The following FRMD4A variants were observed in gnomAD, a reference collection of about 807,000 sequenced individuals.
The protein encoded by FRMD4A is FERM domain-containing protein 4A.
In FRMD4A, 29 loss-of-function variants were observed where a neutral mutation model predicts 129.1. The ratio of observed to expected loss-of-function variants is 0.22; its 90% CI spans 0.17 to 0.31. The LOEUF (loss-of-function observed/expected upper bound fraction) is 0.31. Ranked by LOEUF, FRMD4A falls within the 10% of genes least tolerant of loss-of-function variation. The probability of loss-of-function intolerance (pLI) is 1.00; values close to 1 mark genes in which losing one functional copy is unlikely to be tolerated. For missense variants in FRMD4A, 1,272 were observed against 1,375.8 expected (o/e 0.92, Z 1.19); for synonymous variants, 634 against 571.6 (o/e 1.11, Z -1.56).
At chr10:14,172,449 T>A (rs887094918) in intron 2 of FRMD4A, among the ~76,000 whole-genome samples, 2 of 152,172 alleles carry the variant, frequency 1.3e-5, no homozygotes, top group African/African-American at 4.8e-5. Flanking sequence ...TTTAATCGGC[T>A]CATGGTGTGA....
intron 2 of FRMD4A, among the ~76,000 whole-genome samples, chr10:14,227,614 G>T (rs1412467646): frequency 6.6e-6 from 1 of 151,912 alleles, no homozygotes; most frequent in African/African-American, 2.4e-5. Context: ...CTTACACCAA[G>T]CCTGCATGAG....
chr10:13,775,376 A>G (rs1190595726), intron 6 of FRMD4A, among the ~76,000 whole-genome samples: 5 of 152,202 alleles, frequency 3.3e-5, no homozygotes, highest in Admixed American at 1.3e-4. Flanking sequence ...CATACAATGG[A>G]TAGGATGGTG....
At chr10:14,079,327 G>T (rs1438060774) in intron 2 of FRMD4A, among the ~76,000 whole-genome samples, 1 of 152,130 alleles carries the variant, frequency 6.6e-6, no homozygotes, top group African/African-American at 2.4e-5. Flanking sequence ...CCTGTCTGCT[G>T]CCCTTGGTCC....
chr10:14,290,188 C>A (rs1420752495), intron 2 of FRMD4A, among the ~76,000 whole-genome samples: 4 of 152,030 alleles, frequency 2.6e-5, no homozygotes, highest in Non-Finnish European at 5.9e-5. Context: ...CAATCCCTAT[C>A]AAAATCCTAA....
chr10:13,703,366 A>C (rs1342406808), intron 13 of FRMD4A, among the ~76,000 whole-genome samples: 2 of 152,138 alleles, frequency 1.3e-5, no homozygotes, highest in South Asian at 2.1e-4. Context: ...CAGCCTGGAG[A>C]AGCTCAGAAA....
chr10:14,066,651 T>C (rs913116576), intron 2 of FRMD4A, among the ~76,000 whole-genome samples: 2 of 152,170 alleles, frequency 1.3e-5, no homozygotes, highest in Admixed American at 6.5e-5. Flanking sequence ...TCTGAATTCA[T>C]GGCGAAAAGC....
chr10:13,654,337 A>T (rs746111415), intron 23 of FRMD4A, 79 bp downstream of exon 23: 2 of 945,070 alleles, frequency 2.1e-6, no homozygotes, highest in Admixed American at 1.7e-5. Flanking sequence ...TTACTGACAT[A>T]TCCTTATGTC....
At chr10:14,272,405 T>C (rs1845192565) in intron 2 of FRMD4A, among the ~76,000 whole-genome samples, 2 of 152,154 alleles carry the variant, frequency 1.3e-5, no homozygotes, top group Admixed American at 6.5e-5. Flanking sequence ...TCTCTGCCAA[T>C]CTATGACCGT....
At chr10:14,032,880 T>C (rs559662524) in intron 2 of FRMD4A, among the ~76,000 whole-genome samples, 2 of 152,184 alleles carry the variant, frequency 1.3e-5, no homozygotes, top group Non-Finnish European at 2.9e-5. Flanking sequence ...TCATGCACAG[T>C]CTGTTTCCCA....
chr10:14,295,844 A>G (rs1845990766), intron 2 of FRMD4A, among the ~76,000 whole-genome samples: 1 of 152,314 alleles, frequency 6.6e-6, no homozygotes, highest in South Asian at 2.1e-4. Context: ...TAAGCCTTCA[A>G]AATAGAACTG....
intron 4 of FRMD4A, among the ~76,000 whole-genome samples, chr10:13,798,981 C>T (rs777638664): frequency 2.0e-5 from 3 of 152,172 alleles, no homozygotes; most frequent in Non-Finnish European, 2.9e-5. Flanking sequence ...GCCCATCCCG[C>T]AGGACTCAGC....
chr10:13,823,411 G>A (rs1227735477), intron 3 of FRMD4A, among the ~76,000 whole-genome samples: 2 of 152,194 alleles, frequency 1.3e-5, no homozygotes, highest in Non-Finnish European at 2.9e-5. Flanking sequence ...AACTGTTTCG[G>A]TAAGGAGAAA....
chr10:13,660,931 T>C (rs1159416053), intron 19 of FRMD4A, among the ~76,000 whole-genome samples: 2 of 152,208 alleles, frequency 1.3e-5, no homozygotes, highest in African/African-American at 4.8e-5. Flanking sequence ...AAGCATCTGA[T>C]TCACTGTGGG....
At chr10:13,668,687 C>T (rs1302419724) in intron 17 of FRMD4A, among the ~76,000 whole-genome samples, 1 of 152,194 alleles carries the variant, frequency 6.6e-6, no homozygotes, top group African/African-American at 2.4e-5. Flanking sequence ...TGTGGTGGGA[C>T]TCTGGGAAGA....
At chr10:14,026,929 A>C (rs564464167) in intron 2 of FRMD4A, among the ~76,000 whole-genome samples, 4 of 152,148 alleles carry the variant, frequency 2.6e-5, no homozygotes, top group Non-Finnish European at 5.9e-5. Flanking sequence ...GTTCAACATC[A>C]AATTTTCTTT....
intron 14 of FRMD4A, among the ~76,000 whole-genome samples, chr10:13,697,152 A>ATTT (rs11309575): frequency 0.15 from 20,278 of 136,366 alleles, 1,583 homozygotes; most frequent in Non-Finnish European, 0.18. Flanking sequence ...AAACTACTGG[A>ATTT]TTTTTTTTTT....
At chr10:13,758,543 C>T (rs1025908214) in intron 8 of FRMD4A, among the ~76,000 whole-genome samples, 2 of 152,196 alleles carry the variant, frequency 1.3e-5, no homozygotes, top group African/African-American at 4.8e-5. Context: ...GGGTCTTGCC[C>T]GGGCGTGCCT....
At chr10:13,903,539 G>A (rs985310664) in intron 2 of FRMD4A, among the ~76,000 whole-genome samples, 3 of 151,990 alleles carry the variant, frequency 2.0e-5, no homozygotes, top group Non-Finnish European at 2.9e-5. Flanking sequence ...GACCAGCCTG[G>A]GCAACATAGC....
chr10:14,223,664 C>T (rs1843336070), intron 2 of FRMD4A, among the ~76,000 whole-genome samples: 2 of 143,514 alleles, frequency 1.4e-5, no homozygotes, highest in African/African-American at 2.6e-5. Flanking sequence ...TCATTTCTGG[C>T]TGGGAGGTTG....
Sources: gnomAD v4.1 joint callset for allele counts (sites outside exome capture counted in the v4.1 genomes callset) on GRCh38, gnomAD v4.1.1 for gene constraint, MANE v1.5 for transcripts, NCBI Gene and HGNC (gene_info 2026-07-23, HGNC 2026-07-21) for gene names.